MYH2: variants seen among roughly 807,000 people sequenced by gnomAD.
MYH2 encodes the protein myosin heavy chain 2, also known as myosin-2.
A neutral mutation model predicts 228.1 loss-of-function variants in MYH2; 139 were observed. The ratio of observed to expected loss-of-function variants is 0.61; its 90% CI spans 0.53 to 0.70. The LOEUF is 0.70. Among genes scored for constraint, MYH2 ranks in the 30% least tolerant of loss-of-function variants. The probability of loss-of-function intolerance (pLI) is 0.00; values close to 1 mark genes in which losing one functional copy is unlikely to be tolerated. For missense variants in MYH2, 1,809 were observed against 2,357.5 expected (o/e 0.77, Z 4.82); for synonymous variants, 796 against 871.1 (o/e 0.91, Z 1.52).
At chr17:10,526,012 A>T (rs1183123247) in intron 30 of MYH2, 136 bp from the exon 31 acceptor site, 1 of 1,029,046 alleles carries the variant, frequency 9.7e-7, no homozygotes, top group South Asian at 1.5e-5. Flanking sequence ...ACAAATATTG[A>T]TGAGCCCCTT....
chr17:10,523,000 G>T, intron 39 of MYH2, 90 bp downstream of exon 39: 1 of 863,350 alleles, frequency 1.2e-6, no homozygotes, highest in Non-Finnish European at 2.0e-6. Context: ...TATGCATGCA[G>T]TAGTCTTTAA....
chr17:10,546,276 T>TATATATATATATATATATATAG, intron 4 of MYH2, among the ~76,000 whole-genome samples: 1 of 136,018 alleles, frequency 7.4e-6, no homozygotes, highest in Non-Finnish European at 1.6e-5. Context: ...TATATATATA[T>TATATATATATATATATATATAG]ATATATATAT....
intron 4 of MYH2, among the ~76,000 whole-genome samples, chr17:10,546,255 T>TTATATATATATATA (rs1376514619): frequency 0.044 from 1,185 of 27,074 alleles, 53 homozygotes; most frequent in Non-Finnish European, 0.056. Flanking sequence ...GGACACGAAA[T>TTATATATATATATA]GATATATATA....
intron 13 of MYH2, 41 bp from the exon 14 acceptor site, chr17:10,539,395 C>A: frequency 6.2e-7 from 1 of 1,614,176 alleles, no homozygotes; most frequent in Non-Finnish European, 8.5e-7. Flanking sequence ...TATTAAAGGC[C>A]TATGAAAATG....
At chr17:10,535,050 C>T in intron 19 of MYH2, 23 bp downstream of exon 19, 2 of 1,610,190 alleles carry the variant, frequency 1.2e-6, no homozygotes, top group Non-Finnish European at 1.7e-6. Context: ...CTTCAGAATA[C>T]ACCATAATCA....
rs765082463 is a variant in MYH2 at position 10,523,770 on chromosome 17, C to G, written c.5290G>C (p.Ala1764Pro). Residue 1764 changes from alanine to proline, a missense_variant, in exon 36 of 40, where the codon GCC (alanine) becomes CCC (proline). By Grantham distance (27) the Ala-to-Pro change is conservative. Coordinates refer to ENST00000245503, the MANE Select transcript of MYH2 (RefSeq NM_017534.6). ...TGCCTGCCACTCACATCAGTGATGG[C>G]CTTCTTGGCCTTTTCTTCTGCATTG... is the stretch of plus-strand genomic sequence containing the variant. Reference protein sequence around the residue: ...ARNAEEKAKKAITDAAMMAEE... With the variant: ...ARNAEEKAKKPITDAAMMAEE... 9.9e-6 allele frequency: 16 copies of G among 1,614,026 alleles called. No homozygotes were observed. The highest frequency in any genetic ancestry group is 1.4e-5 in the Non-Finnish European group (16 of 1,180,042).
At position 10,521,378 on chromosome 17, in the gene MYH2, C is replaced by G; in HGVS notation, c.5728G>C (p.Glu1910Gln). The G allele has an allele frequency of 1.2e-6, 2 of 1,614,094 alleles. No individual in the cohort carries two copies. The highest frequency in any genetic ancestry group is 1.7e-6 in the Non-Finnish European group (2 of 1,180,012). Residue 1910 changes from glutamate (E) to glutamine (Q), a missense_variant, in exon 40 of 40, where the codon GAG becomes CAG. This residue lies in a region of MYH2 where 278 missense variants were observed against 308.5 expected (regional missense o/e 0.90). Coordinates refer to ENST00000245503, the MANE Select transcript of MYH2 (RefSeq NM_017534.6). The stretch of plus-strand genomic sequence containing the variant: ...ATGTCAGCCCGTTCCTCGGCCTCCT[C>G]CAGCTCATGCTGGAGCTTGCGGAAT... ...AKFRKLQHEL[E>Q]EAEERADIAE...
Position 10,525,736 on chromosome 17 carries a change from G to A in MYH2, c.4328C>T (p.Ala1443Val), listed in dbSNP as rs780957736. Residue 1443 changes from alanine (A) to valine (V), a missense_variant, in exon 31 of 40, where the codon GCC (alanine) becomes GTC (valine). Transcript: ENST00000245503. The surrounding 1 kb of genome is among the most constrained non-coding windows in gnomAD (Gnocchi z 4.2). ...CTTTTTGTCAAGGGCGGCACAGGCG[G>A]CATTTGTCCTCTCCACATCAAGCAT... ...DLMLDVERTN[A>V]ACAALDKKQR... 1 of 1,614,184 alleles carries A rather than the reference G, an allele frequency of 6.2e-7. No individual in the cohort carries two copies. The highest frequency in any genetic ancestry group is 1.1e-5 in the South Asian group (1 of 91,078).
Position 10,521,266 on chromosome 17 carries a change from G to A in MYH2, c.*14C>T, listed in dbSNP as rs2142287540. On this transcript the variant is annotated 3_prime_UTR_variant, in exon 40 of 40. Coordinates refer to ENST00000245503, the MANE Select transcript of MYH2 (RefSeq NM_017534.6). The stretch of plus-strand genomic sequence containing the variant: ...TGTGCCTGTCTTCAGTCATTCCATG[G>A]CATCAGGACATGATCACTCTTCACT... 1 of 1,612,962 alleles carries A rather than the reference G, an allele frequency of 6.2e-7. No individual in the cohort carries two copies. Among genetic ancestry groups the A allele is most frequent in the Non-Finnish European group, 8.5e-7 (1 of 1,179,870 alleles).
At chr17:10,528,054 T>A (rs905223934) in intron 27 of MYH2, among the ~76,000 whole-genome samples, 180 bp from the exon 28 acceptor site, 2 of 149,040 alleles carry the variant, frequency 1.3e-5, no homozygotes, top group African/African-American at 2.4e-5. Context: ...TTTCTTTTTT[T>A]TTTTTTTTGA....
At chr17:10,521,623 G>A (rs771777196) in intron 39 of MYH2, among the ~76,000 whole-genome samples, 191 bp from the exon 40 acceptor site, 3 of 149,696 alleles carry the variant, frequency 2.0e-5, no homozygotes, top group South Asian at 2.1e-4. Flanking sequence ...ACATACATAC[G>A]TATCTCACAT....
rs2073503052 is a variant in MYH2 at position 10,537,944 on chromosome 17, T to C, written c.1417-109A>G. ...TGTCCAAGAGCCTTTATATTACAGATATTAAAATCACTGGGTTAAAGAGAC... is the reference window on the plus strand; with the variant it reads ...TGTCCAAGAGCCTTTATATTACAGACATTAAAATCACTGGGTTAAAGAGAC... On this transcript the variant is annotated intron_variant, in intron 14 of 39. Coordinates refer to ENST00000245503, the MANE Select transcript of MYH2 (RefSeq NM_017534.6). This position sits in a 1 kb window ranked among gnomAD's most constrained non-coding sequence, Gnocchi z 4.0. 22 of 1,563,894 alleles carry C rather than the reference T, an allele frequency of 1.4e-5. No individual in the cohort carries two copies. The highest frequency in any genetic ancestry group is 1.9e-5 in the Non-Finnish European group (22 of 1,148,500).
At chr17:10,539,836 G>T in intron 12 of MYH2, 92 bp downstream of exon 12, 1 of 1,561,476 alleles carries the variant, frequency 6.4e-7, no homozygotes, top group Non-Finnish European at 8.8e-7. Flanking sequence ...TCTTAAAAGT[G>T]AATTTACCTT....
intron 18 of MYH2, 44 bp from the exon 19 acceptor site, chr17:10,535,234 G>A: frequency 1.2e-6 from 2 of 1,613,474 alleles, no homozygotes; most frequent in Non-Finnish European, 1.7e-6. Flanking sequence ...TTGAAAAGGA[G>A]GTGTGGCAGT....
At position 10,539,909 on chromosome 17, in the gene MYH2, G is replaced by T. The variant is rs1317539788; in HGVS notation, c.1147+19C>A. On this transcript the variant is annotated intron_variant, in intron 12 of 39. Coordinates refer to ENST00000245503, the MANE Select transcript of MYH2 (RefSeq NM_017534.6). ...ATTTTCAAACAAATGCAAAATCATG[G>T]GAGTGACTTAGTTGATACCTTCTGT... 1 of 1,613,796 alleles carries T rather than the reference G, an allele frequency of 6.2e-7. No individual in the cohort carries two copies. Among genetic ancestry groups the T allele is most frequent in the Non-Finnish European group, 8.5e-7 (1 of 1,179,910 alleles).
chr17:10,538,601 C>T (rs1371197151), intron 14 of MYH2, among the ~76,000 whole-genome samples: 5 of 149,812 alleles, frequency 3.3e-5, no homozygotes, highest in South Asian at 2.1e-4. Flanking sequence ...GCCGAGATCA[C>T]GCCATTGCAC....
At position 10,529,331 on chromosome 17, in the gene MYH2, C is replaced by T; in HGVS notation, c.3263+5G>A. 1 of 1,613,894 alleles carries T rather than the reference C, an allele frequency of 6.2e-7. No individual in the cohort carries two copies. The highest frequency in any genetic ancestry group is 8.5e-7 in the Non-Finnish European group (1 of 1,180,016). On this transcript the variant is annotated splice_donor_5th_base_variant and intron_variant, in intron 25 of 39. Coordinates refer to ENST00000245503, the MANE Select transcript of MYH2 (RefSeq NM_017534.6). The stretch of plus-strand genomic sequence containing the variant: ...CAAATCCATAAGCAATTCTTTCTTA[C>T]TTACTTTTTGAGCTTTTCATCAAGT...
intron 4 of MYH2, among the ~76,000 whole-genome samples, chr17:10,546,096 G>T (rs147523891): frequency 1.9e-3 from 294 of 151,696 alleles, no homozygotes; most frequent in Non-Finnish European, 3.0e-3. Flanking sequence ...TTGGACATAA[G>T]CTAAGTGGCC....
rs1219118179 is a variant in MYH2, at chr17:10,537,214, A to G, written c.1897+19T>C. ...CATTTTGTAATACCTAGAGAGTATTATTAACATTTGAGCATTACCTCCTTC... is the reference window on the plus strand; with the variant it reads ...CATTTTGTAATACCTAGAGAGTATTGTTAACATTTGAGCATTACCTCCTTC... On this transcript the variant is annotated intron_variant, in intron 16 of 39. Transcript: ENST00000245503. This position sits in a 1 kb window ranked among gnomAD's most constrained non-coding sequence, Gnocchi z 4.0. The G allele has an allele frequency of 1.2e-6, 2 of 1,613,896 alleles. No individual in the cohort carries two copies. The highest frequency in any genetic ancestry group is 1.6e-4 in the Middle Eastern group (1 of 6,062).
Sources: allele counts gnomAD v4.1 joint callset (sites outside exome capture counted in the v4.1 genomes callset), GRCh38; gene constraint gnomAD v4.1.1; regional missense constraint gnomAD v4.1.1; non-coding constraint Gnocchi (gnomAD v3.1); transcripts MANE v1.5; gene names NCBI Gene and HGNC (gene_info 2026-07-23, HGNC 2026-07-21).